Variants in PIK3C2G observed in about 807,000 individuals in gnomAD.
The protein encoded by PIK3C2G is phosphatidylinositol-4-phosphate 3-kinase catalytic subunit type 2 gamma.
Under a neutral mutation model 181.1 loss-of-function variants are expected in PIK3C2G, and 168 were observed. That is an observed-to-expected ratio of 0.93 (90% confidence interval 0.82 to 1.05). PIK3C2G has a LOEUF of 1.05. Among genes scored for constraint, PIK3C2G ranks in the 50% least tolerant of loss-of-function variants. The probability of loss-of-function intolerance (pLI) is 0.00; values close to 1 mark genes in which losing one functional copy is unlikely to be tolerated. For missense variants in PIK3C2G, 1,869 were observed against 1,732.8 expected, an observed-to-expected ratio of 1.08 and a Z score of -1.40; for synonymous variants, 573 against 592.2, an observed-to-expected ratio of 0.97 and a Z score of 0.47.
At chr12:18,496,189 A>T (rs755168540) in intron 21 of PIK3C2G, 35 bp downstream of exon 21, 19 of 1,198,064 alleles carry the variant, frequency 1.6e-5, no homozygotes, top group Non-Finnish European at 3.5e-6. Context: ...AATTGATTCC[A>T]TACACAGAAC....
intron 18 of PIK3C2G, among the ~76,000 whole-genome samples, chr12:18,484,070 A>T (rs1383141099): frequency 1.3e-5 from 2 of 152,220 alleles, no homozygotes; most frequent in Admixed American, 1.3e-4. Context: ...GTCTCCATGG[A>T]CATGAGTATA....
intron 29 of PIK3C2G, among the ~76,000 whole-genome samples, chr12:18,578,792 G>A (rs574544174): frequency 1.7e-4 from 26 of 152,014 alleles, no homozygotes; most frequent in African/African-American, 5.3e-4. Flanking sequence ...TGATATGAAC[G>A]TCTTAGATGT....
At chr12:18,423,831 T>C (rs1222139065) in intron 17 of PIK3C2G, 114 bp from the exon 18 acceptor site, 1 of 661,628 alleles carries the variant, frequency 1.5e-6, no homozygotes, top group Non-Finnish European at 2.7e-6. Context: ...TATTAGCATT[T>C]TGTTAAAATA....
upstream of PIK3C2G, among the ~76,000 whole-genome samples, chr12:18,259,852 A>G (rs1025402799): frequency 6.6e-6 from 1 of 152,098 alleles, no homozygotes; most frequent in African/African-American, 2.4e-5. Flanking sequence ...CTACCAGGTA[A>G]GACAGAAGGC....
At chr12:18,658,194 A>G in the PIK3C2G span, among the ~76,000 whole-genome samples, 1 of 152,188 alleles carries the variant, frequency 6.6e-6, no homozygotes, top group African/African-American at 2.4e-5. Flanking sequence ...TAAGAGACCT[A>G]TGAAATACCA....
At chr12:18,389,848 T>C (rs1943428569) in intron 14 of PIK3C2G, among the ~76,000 whole-genome samples, 1 of 152,218 alleles carries the variant, frequency 6.6e-6, no homozygotes, top group African/African-American at 2.4e-5. Flanking sequence ...AATTCTTTTG[T>C]ATGCTCATCT....
At chr12:18,692,721 C>A in the PIK3C2G span, 1 of 832,430 alleles carries the variant, frequency 1.2e-6, no homozygotes. Context: ...GAATCATCAA[C>A]ATAAAGAAAA....
chr12:18,622,882 C>A (rs1948926533), intron 31 of PIK3C2G, among the ~76,000 whole-genome samples: 1 of 151,558 alleles, frequency 6.6e-6, no homozygotes, highest in Non-Finnish European at 1.5e-5. Context: ...GTTTCTTGAC[C>A]CACTTCTTAA....
At chr12:18,251,340 T>C (rs10770334) in intron 1 of PIK3C2G, among the ~76,000 whole-genome samples, 11,727 of 152,042 alleles carry the variant, frequency 0.077, 1,049 homozygotes, top group East Asian at 0.47. Flanking sequence ...GAAATTTTAG[T>C]CATAGTCATT....
intron 15 of PIK3C2G, among the ~76,000 whole-genome samples, chr12:18,396,331 A>C (rs2138094031): frequency 6.6e-6 from 1 of 151,802 alleles, no homozygotes; most frequent in East Asian, 1.9e-4. Flanking sequence ...CATGATAAAA[A>C]CTCACAAAAC....
chr12:18,512,382 A>G (rs1942266852), intron 24 of PIK3C2G, among the ~76,000 whole-genome samples: 2 of 151,946 alleles, frequency 1.3e-5, no homozygotes, highest in African/African-American at 4.8e-5. Flanking sequence ...ATTGCACTGA[A>G]TCTGTAGATT....
At chr12:18,613,266 T>C (rs562547569) in intron 31 of PIK3C2G, among the ~76,000 whole-genome samples, 2 of 151,898 alleles carry the variant, frequency 1.3e-5, no homozygotes, top group Non-Finnish European at 2.9e-5. Flanking sequence ...ACATAACCAA[T>C]AGGATGAAAC....
the PIK3C2G span, among the ~76,000 whole-genome samples, chr12:18,725,005 T>G: frequency 6.6e-6 from 1 of 152,102 alleles, no homozygotes; most frequent in East Asian, 1.9e-4. Flanking sequence ...TTCTAAAAGG[T>G]CAAAGTTGCC....
chr12:18,366,535 A>C (rs1222587067), intron 12 of PIK3C2G, among the ~76,000 whole-genome samples: 1 of 152,168 alleles, frequency 6.6e-6, no homozygotes, highest in East Asian at 1.9e-4. Flanking sequence ...GTCTCAAAAA[A>C]ATAAATAAAT....
the PIK3C2G span, among the ~76,000 whole-genome samples, chr12:18,671,183 C>T: frequency 1.9e-5 from 2 of 106,790 alleles, no homozygotes; most frequent in Admixed American, 9.9e-5. Context: ...GGTGAGACTC[C>T]ATCTAAAAAA....
chr12:18,726,601 TACA>T, the PIK3C2G span, among the ~76,000 whole-genome samples: 2 of 152,204 alleles, frequency 1.3e-5, no homozygotes, highest in Non-Finnish European at 2.9e-5. Context: ...ATTCTGAGTG[TACA>T]CTTTCAGAAA....
intron 11 of PIK3C2G, among the ~76,000 whole-genome samples, chr12:18,356,058 C>T (rs1459793636): frequency 6.6e-6 from 1 of 152,102 alleles, no homozygotes; most frequent in Non-Finnish European, 1.5e-5. Context: ...CTTCAGTTTC[C>T]CCAGGACTTT....
chr12:18,635,429 T>C (rs1949550371), intron 31 of PIK3C2G, among the ~76,000 whole-genome samples: 1 of 152,174 alleles, frequency 6.6e-6, no homozygotes, highest in Non-Finnish European at 1.5e-5. Flanking sequence ...GCTTTATGGC[T>C]TCATGAGTGA....
In PIK3C2G at chr12:18,336,848, G is replaced by A. The variant is rs561582990; in HGVS notation, c.1273-1578G>A. Among the ~76,000 whole-genome samples the A allele has an allele frequency of 1.5e-4, 23 of 151,934 alleles. 1 individual carries two copies. The South Asian group carries it at 2.9e-3, about 19-fold the overall frequency. ...TCTTCAGGTTTTTGTCATTGGTTTCGGATTTGTAAAATTACATATCAGAGA... is the reference window on the plus strand; with the variant it reads ...TCTTCAGGTTTTTGTCATTGGTTTCAGATTTGTAAAATTACATATCAGAGA... On this transcript the variant is annotated intron_variant, in intron 8 of 32. Coordinates refer to ENST00000538779, the MANE Select transcript of PIK3C2G (RefSeq NM_001288772.2).
Sources: allele counts gnomAD v4.1 joint callset (sites outside exome capture counted in the v4.1 genomes callset), GRCh38; gene constraint gnomAD v4.1.1; transcripts MANE v1.5; gene names NCBI Gene and HGNC (gene_info 2026-07-23, HGNC 2026-07-21).